The following CHCHD6 variants were observed in gnomAD, a reference collection of about 807,000 sequenced individuals.
CHCHD6 encodes coiled-coil-helix-coiled-coil-helix domain containing 6.
A neutral mutation model predicts 32.3 loss-of-function variants in CHCHD6; 28 were observed. The ratio of observed to expected loss-of-function variants is 0.87; its 90% CI spans 0.64 to 1.19. The LOEUF is 1.19. CHCHD6 is among the 50% of genes most tolerant of loss of function. The probability of loss-of-function intolerance (pLI) is 0.00; values close to 1 mark genes in which losing one functional copy is unlikely to be tolerated. For missense variants in CHCHD6, 333 were observed against 307.0 expected (o/e 1.08, Z -0.63); for synonymous variants, 122 against 117.5 (o/e 1.04, Z -0.25).
intron 4 of CHCHD6, among the ~76,000 whole-genome samples, chr3:126,742,299 C>G (rs1936320139): frequency 6.6e-6 from 1 of 152,188 alleles, no homozygotes; most frequent in Non-Finnish European, 1.5e-5. Flanking sequence ...GAAACCTTCT[C>G]AAGGGCTTGT....
chr3:126,767,091 G>A (rs1205159643), intron 4 of CHCHD6: 27 of 1,264,622 alleles, frequency 2.1e-5, no homozygotes, highest in Non-Finnish European at 2.9e-5. Flanking sequence ...CGCCGTGCCC[G>A]GGCGATGAAC....
At chr3:126,891,103 C>G (rs925763911) in intron 5 of CHCHD6, among the ~76,000 whole-genome samples, 3 of 152,148 alleles carry the variant, frequency 2.0e-5, no homozygotes, top group Non-Finnish European at 4.4e-5. Context: ...GTTTCTTCCC[C>G]AGGACATACC....
chr3:126,713,797 C>A (rs928180147), intron 1 of CHCHD6, among the ~76,000 whole-genome samples: 5 of 152,172 alleles, frequency 3.3e-5, no homozygotes, highest in Non-Finnish European at 7.3e-5. Context: ...TTGCCTCAAA[C>A]TATGACTCCA....
chr3:126,714,935 T>A (rs1167510619), intron 1 of CHCHD6, among the ~76,000 whole-genome samples: 1 of 152,188 alleles, frequency 6.6e-6, no homozygotes, highest in East Asian at 1.9e-4. Flanking sequence ...CAAAGACTAA[T>A]GCTTAAACTG....
intron 1 of CHCHD6, among the ~76,000 whole-genome samples, chr3:126,706,738 G>A (rs1443828431): frequency 2.6e-5 from 4 of 152,176 alleles, no homozygotes; most frequent in South Asian, 2.1e-4. Flanking sequence ...GGCTTTTTCT[G>A]TTAGCAGAGT....
chr3:126,928,265 A>G (rs990188605), intron 6 of CHCHD6, among the ~76,000 whole-genome samples: 2 of 152,244 alleles, frequency 1.3e-5, no homozygotes, highest in Non-Finnish European at 2.9e-5. Context: ...GTGTAAAAGC[A>G]TATCCATCTT....
chr3:126,820,021 C>G (rs1046337585), intron 4 of CHCHD6, among the ~76,000 whole-genome samples: 2 of 152,172 alleles, frequency 1.3e-5, no homozygotes, highest in Admixed American at 1.3e-4. Context: ...CAAATCTCAG[C>G]TCTGCTACTT....
chr3:126,830,998 G>A (rs1342541879), intron 4 of CHCHD6, among the ~76,000 whole-genome samples: 2 of 151,236 alleles, frequency 1.3e-5, no homozygotes, highest in Non-Finnish European at 2.9e-5. Flanking sequence ...TGCTTTGCCC[G>A]CTTCTCTCCT....
chr3:126,753,719 G>A (rs1232359663), intron 4 of CHCHD6, among the ~76,000 whole-genome samples: 1 of 152,220 alleles, frequency 6.6e-6, no homozygotes, highest in African/African-American at 2.4e-5. Flanking sequence ...CTGCAGCAGT[G>A]GGTGAAGAGA....
chr3:126,905,402 A>C (rs1415645395), intron 5 of CHCHD6, among the ~76,000 whole-genome samples: 1 of 152,168 alleles, frequency 6.6e-6, no homozygotes, highest in Non-Finnish European at 1.5e-5. Context: ...GTAGATAGGG[A>C]AGAATTAGCA....
intron 6 of CHCHD6, among the ~76,000 whole-genome samples, chr3:126,921,777 C>T (rs2078251751): frequency 6.6e-6 from 1 of 152,218 alleles, no homozygotes; most frequent in Non-Finnish European, 1.5e-5. Flanking sequence ...ACTTGGAAGA[C>T]AGGACTTAGT....
intron 4 of CHCHD6, among the ~76,000 whole-genome samples, chr3:126,819,329 A>G (rs943073367): frequency 6.6e-6 from 1 of 151,984 alleles, no homozygotes; most frequent in Non-Finnish European, 1.5e-5. Context: ...GGGCAGCTTG[A>G]CCTTCCTTGC....
At chr3:126,798,630 A>T (rs1418738903) in intron 4 of CHCHD6, among the ~76,000 whole-genome samples, 1 of 151,914 alleles carries the variant, frequency 6.6e-6, no homozygotes, top group Non-Finnish European at 1.5e-5. Context: ...CTGCTCCGGA[A>T]CCCTCCTGTC....
chr3:126,877,616 G>C (rs2077556286), intron 5 of CHCHD6, among the ~76,000 whole-genome samples: 1 of 151,928 alleles, frequency 6.6e-6, no homozygotes, highest in African/African-American at 2.4e-5. Flanking sequence ...AGCATTAAAG[G>C]AACCTAACTC....
intron 4 of CHCHD6, among the ~76,000 whole-genome samples, chr3:126,823,948 G>T (rs973105152): frequency 6.6e-6 from 1 of 152,084 alleles, no homozygotes; most frequent in Non-Finnish European, 1.5e-5. Context: ...GGTGGCACGT[G>T]CCTATAGTCC....
chr3:126,931,538 G>A (rs973798028), intron 6 of CHCHD6, among the ~76,000 whole-genome samples: 1 of 152,216 alleles, frequency 6.6e-6, no homozygotes, highest in Non-Finnish European at 1.5e-5. Context: ...ACGGAGCCCA[G>A]GGCAGCTTGA....
At chr3:126,945,519 G>A (rs1306081334) in intron 6 of CHCHD6, among the ~76,000 whole-genome samples, 1 of 149,670 alleles carries the variant, frequency 6.7e-6, no homozygotes. Context: ...AGACTTGGGA[G>A]GGGGGAGACT....
intron 6 of CHCHD6, among the ~76,000 whole-genome samples, chr3:126,945,410 G>C (rs183805052): frequency 6.6e-6 from 1 of 151,866 alleles, no homozygotes; most frequent in South Asian, 2.1e-4. Flanking sequence ...TGGAGGAGCA[G>C]ACTCGAGCAG....
intron 5 of CHCHD6, among the ~76,000 whole-genome samples, chr3:126,900,279 C>G (rs1182781786): frequency 6.6e-6 from 1 of 152,140 alleles, no homozygotes; most frequent in Non-Finnish European, 1.5e-5. Context: ...CTGAGCCTGG[C>G]ATGTATCGCC....
Sources: allele counts gnomAD v4.1 joint callset (sites outside exome capture counted in the v4.1 genomes callset), GRCh38; gene constraint gnomAD v4.1.1; transcripts MANE v1.5; gene names NCBI Gene and HGNC (gene_info 2026-07-23, HGNC 2026-07-21).